Variants in ZNF367 observed in about 807,000 individuals in gnomAD.
The protein encoded by ZNF367 is C2H2 zinc finger protein ZFF29.
In ZNF367, 11 loss-of-function variants were observed where a neutral mutation model predicts 31.8. That is an observed-to-expected ratio of 0.35 (90% CI 0.22 to 0.57). The LOEUF is 0.57. ZNF367 is among the 20% of genes least tolerant of loss of function. The pLI is 0.85. For missense variants in ZNF367, 353 were observed against 484.1 expected (o/e 0.73, Z 2.54); for synonymous variants, 199 against 202.4 (o/e 0.98, Z 0.14).
At chr9:96,416,453 G>A (rs1831832407) in intron 1 of ZNF367, among the ~76,000 whole-genome samples, 1 of 152,094 alleles carries the variant, frequency 6.6e-6, no homozygotes, top group Non-Finnish European at 1.5e-5. Context: ...AAAACCTATA[G>A]TTTTATAACC....
At chr9:96,394,113 GT>G (rs1425634739) in intron 3 of ZNF367, among the ~76,000 whole-genome samples, 1 of 152,148 alleles carries the variant, frequency 6.6e-6, no homozygotes, top group African/African-American at 2.4e-5. Context: ...TCCAAAGGCT[GT>G]ATTTACTTTT....
chr9:96,392,920 A>G (rs1831489697), intron 3 of ZNF367, among the ~76,000 whole-genome samples: 1 of 152,136 alleles, frequency 6.6e-6, no homozygotes, highest in Non-Finnish European at 1.5e-5. Context: ...TGCCATCTCT[A>G]CTAAAAATAC....
chr9:96,393,558 G>A (rs1026699660), intron 3 of ZNF367, among the ~76,000 whole-genome samples: 2 of 152,054 alleles, frequency 1.3e-5, no homozygotes, highest in South Asian at 4.2e-4. Context: ...AATGCTGGGC[G>A]CAGTGGCTCA....
chr9:96,399,076 T>C (rs1194236965), intron 1 of ZNF367, among the ~76,000 whole-genome samples: 2 of 152,134 alleles, frequency 1.3e-5, no homozygotes, highest in Non-Finnish European at 2.9e-5. Flanking sequence ...AAGTTTCTTT[T>C]GGAAATTTGG....
chr9:96,398,859 G>A (rs1587744060), intron 1 of ZNF367, among the ~76,000 whole-genome samples: 2 of 152,170 alleles, frequency 1.3e-5, no homozygotes, highest in Non-Finnish European at 2.9e-5. Context: ...AATTGCGTTT[G>A]CCTGTTTTGA....
rs751554081 is a variant in ZNF367, at chr9:96,394,890, T to C, written c.624A>G (p.Gln208=). 6.2e-7 allele frequency: 1 copy of C among 1,614,134 alleles called. No individual in the cohort carries two copies. Among genetic ancestry groups the C allele is most frequent in the South Asian group, 1.1e-5 (1 of 91,084 alleles). ...GCTGATGTGTTTTGAGCTGTCCACT[T>C]TGAACAAAGGCTTTTCCACAGTCTG... is the stretch of plus-strand genomic sequence containing the variant. ...DYPDCGKAFV[Q]SGQLKTHQRL... The change falls in exon 3 of 5, where the codon CAA becomes CAG. Residue 208 remains glutamine, a synonymous_variant. Coordinates refer to ENST00000375256, the MANE Select transcript of ZNF367 (RefSeq NM_153695.4).
At chr9:96,402,898 A>T (rs1015423871) in intron 1 of ZNF367, among the ~76,000 whole-genome samples, 1 of 152,156 alleles carries the variant, frequency 6.6e-6, no homozygotes, top group East Asian at 1.9e-4. Flanking sequence ...AAGCATTCCA[A>T]GTATCTTCTC....
At chr9:96,411,518 G>A (rs960744253) in intron 1 of ZNF367, among the ~76,000 whole-genome samples, 3 of 152,054 alleles carry the variant, frequency 2.0e-5, no homozygotes, top group Non-Finnish European at 4.4e-5. Flanking sequence ...AGCCCTAACA[G>A]TGCCACTGCA....
At chr9:96,416,040 A>G (rs551592460) in intron 1 of ZNF367, among the ~76,000 whole-genome samples, 1 of 150,314 alleles carries the variant, frequency 6.7e-6, no homozygotes, top group South Asian at 2.1e-4. Flanking sequence ...AAGGGATCAC[A>G]GGCATGAGCC....
chr9:96,392,835 A>C (rs1046910496), intron 3 of ZNF367, among the ~76,000 whole-genome samples: 21 of 152,240 alleles, frequency 1.4e-4, no homozygotes, highest in African/African-American at 4.8e-4. Flanking sequence ...CTGTAATCCC[A>C]GCACTTTGGG....
intron 4 of ZNF367, among the ~76,000 whole-genome samples, chr9:96,389,385 G>A (rs1831442917): frequency 6.6e-6 from 1 of 151,594 alleles, no homozygotes; most frequent in South Asian, 2.1e-4. Flanking sequence ...GTATATTAAT[G>A]TTCATAGTAG....
At chr9:96,416,333 G>A (rs1033789874) in intron 1 of ZNF367, among the ~76,000 whole-genome samples, 3 of 152,016 alleles carry the variant, frequency 2.0e-5, no homozygotes, top group Non-Finnish European at 2.9e-5. Context: ...TGATCCGCCC[G>A]CCTCTGCCTC....
intron 1 of ZNF367, among the ~76,000 whole-genome samples, chr9:96,415,186 G>GT (rs1241456116): frequency 6.7e-6 from 1 of 149,808 alleles, no homozygotes; most frequent in Non-Finnish European, 1.5e-5. Context: ...TCCCGAGCAG[G>GT]TGGGACTACA....
At chr9:96,416,139 G>C (rs1831827666) in intron 1 of ZNF367, among the ~76,000 whole-genome samples, 1 of 147,222 alleles carries the variant, frequency 6.8e-6, no homozygotes, top group Admixed American at 6.9e-5. Context: ...ACAGGCTGGA[G>C]CGCAGTGGCC....
rs1339798937 is a variant in ZNF367 at position 96,418,299 on chromosome 9, C to T, written c.-267G>A. ...CAGGGGTGGGAAGCAGCGGGCGGCCCGGCCCTTGCGGTGACAGGAAAGCAG... is the reference window on the plus strand; with the variant it reads ...CAGGGGTGGGAAGCAGCGGGCGGCCTGGCCCTTGCGGTGACAGGAAAGCAG... On this transcript the variant is annotated 5_prime_UTR_variant, in exon 1 of 5. Coordinates refer to ENST00000375256, the MANE Select transcript of ZNF367 (RefSeq NM_153695.4). 4 of 417,580 alleles carry T rather than the reference C, an allele frequency of 9.6e-6. No individual in the cohort carries two copies. Among genetic ancestry groups the T allele is most frequent in the Admixed American group, 9.0e-5 (2 of 22,302 alleles). The allele number at this position is 417,580 out of a possible 1,614,324, so 25.9% of individuals were successfully genotyped here. A position where few individuals can be genotyped will look rare whatever the true frequency, so the allele number is the denominator to read the frequency against.
chr9:96,416,408 T>C (rs1831831862), intron 1 of ZNF367, among the ~76,000 whole-genome samples: 1 of 152,320 alleles, frequency 6.6e-6, no homozygotes, highest in South Asian at 2.1e-4. Context: ...TTTCAAATGT[T>C]TACTGAGGTG....
intron 1 of ZNF367, among the ~76,000 whole-genome samples, chr9:96,407,099 C>T (rs1831680315): frequency 6.6e-6 from 1 of 150,834 alleles, no homozygotes; most frequent in Admixed American, 6.6e-5. Flanking sequence ...GTGATAGGGT[C>T]GCTTGAGGCC....
At chr9:96,410,663 C>G (rs1831735805) in intron 1 of ZNF367, among the ~76,000 whole-genome samples, 1 of 144,648 alleles carries the variant, frequency 6.9e-6, no homozygotes, top group Non-Finnish European at 1.5e-5. Flanking sequence ...ATCACAAGGT[C>G]AACAGATCGA....
At chr9:96,389,292 T>A (rs1176950909) in intron 4 of ZNF367, among the ~76,000 whole-genome samples, 1 of 141,144 alleles carries the variant, frequency 7.1e-6, no homozygotes, top group African/African-American at 2.8e-5. Context: ...AGAGCGAGAC[T>A]CCGTTTCAAG....
Sources: gnomAD v4.1 joint callset for allele counts (sites outside exome capture counted in the v4.1 genomes callset) on GRCh38, gnomAD v4.1.1 for gene constraint, MANE v1.5 for transcripts, NCBI Gene and HGNC (gene_info 2026-07-23, HGNC 2026-07-21) for gene names.